ATXN7L1: variants seen among roughly 807,000 people sequenced by gnomAD.
The protein encoded by ATXN7L1 is ataxin-7-like protein 1.
In ATXN7L1, 15 loss-of-function variants were observed where a neutral mutation model predicts 70.8. The observed-to-expected ratio is 0.21, with a 90% CI of 0.14 to 0.33. The LOEUF (loss-of-function observed/expected upper bound fraction) is 0.33, where lower values mean the gene tolerates loss of function less well. Ranked by LOEUF, ATXN7L1 falls within the 10% of genes least tolerant of loss-of-function variation. The pLI is 1.00. For missense variants in ATXN7L1, 975 were observed against 1,097.1 expected (o/e 0.89, Z 1.57); for synonymous variants, 440 against 445.1 (o/e 0.99, Z 0.14).
chr7:105,710,217 C>T (rs1007973752), intron 3 of ATXN7L1, among the ~76,000 whole-genome samples: 1 of 152,128 alleles, frequency 6.6e-6, no homozygotes, highest in Non-Finnish European at 1.5e-5. Context: ...TCAAGCTCTA[C>T]CTGAAACTGG....
intron 3 of ATXN7L1, among the ~76,000 whole-genome samples, chr7:105,770,165 G>C (rs762247671): frequency 1.1e-4 from 16 of 152,154 alleles, no homozygotes; most frequent in Non-Finnish European, 1.9e-4. Context: ...AAAAACTTAC[G>C]GCAAAAGCCT....
chr7:105,685,851 G>GT (rs1387900965), intron 3 of ATXN7L1, among the ~76,000 whole-genome samples: 6 of 152,206 alleles, frequency 3.9e-5, no homozygotes, highest in Non-Finnish European at 8.8e-5. Flanking sequence ...AGCTGAGGAT[G>GT]TTGGTGTCTT....
chr7:105,853,949 C>T (rs1222239891), intron 2 of ATXN7L1, among the ~76,000 whole-genome samples: 1 of 152,074 alleles, frequency 6.6e-6, no homozygotes, highest in East Asian at 1.9e-4. Flanking sequence ...TTTCCCGGGG[C>T]CCGACACCTC....
At chr7:105,613,604 T>C in intron 10 of ATXN7L1, 1 of 1,359,738 alleles carries the variant, frequency 7.4e-7, no homozygotes, top group South Asian at 1.6e-5. Flanking sequence ...CTGCACTCAC[T>C]GCACTGGGGT....
intron 3 of ATXN7L1, among the ~76,000 whole-genome samples, chr7:105,688,102 G>A (rs568363625): frequency 6.6e-6 from 1 of 152,214 alleles, no homozygotes; most frequent in African/African-American, 2.4e-5. Flanking sequence ...TGTTGTTGCC[G>A]GCTAGACCAC....
intron 4 of ATXN7L1, among the ~76,000 whole-genome samples, chr7:105,654,981 C>T (rs747962965): frequency 1.4e-4 from 21 of 151,298 alleles, no homozygotes; most frequent in Non-Finnish European, 2.4e-4. Flanking sequence ...TCACCTCAAG[C>T]GATCTGCCCG....
intron 2 of ATXN7L1, among the ~76,000 whole-genome samples, chr7:105,817,804 C>A (rs1809418693): frequency 6.6e-6 from 1 of 152,134 alleles, no homozygotes; most frequent in Admixed American, 6.5e-5. Context: ...TACACACTTG[C>A]AGTTTCAGCT....
intron 3 of ATXN7L1, among the ~76,000 whole-genome samples, chr7:105,775,387 G>A (rs1180865459): frequency 2.6e-5 from 4 of 152,196 alleles, no homozygotes; most frequent in African/African-American, 4.8e-5. Context: ...GATATAGCTT[G>A]GAAGTATCTT....
intron 7 of ATXN7L1, among the ~76,000 whole-genome samples, chr7:105,628,391 A>G (rs1323890014): frequency 2.0e-5 from 3 of 152,236 alleles, no homozygotes; most frequent in East Asian, 3.8e-4. Flanking sequence ...TAGAGTTAGT[A>G]GTACAGGTAT....
chr7:105,707,724 T>C (rs1471585108), intron 3 of ATXN7L1, among the ~76,000 whole-genome samples: 3 of 152,180 alleles, frequency 2.0e-5, no homozygotes, highest in African/African-American at 7.2e-5. Context: ...CAAAGTGACC[T>C]AAAAGGGCAT....
intron 3 of ATXN7L1, among the ~76,000 whole-genome samples, chr7:105,738,804 T>C (rs1797695359): frequency 6.6e-6 from 1 of 152,168 alleles, no homozygotes; most frequent in Non-Finnish European, 1.5e-5. Flanking sequence ...AGGCTGTGGG[T>C]CTGGTGCACC....
intron 2 of ATXN7L1, chr7:105,820,041 C>G (rs1043054224): frequency 2.5e-6 from 1 of 407,548 alleles, no homozygotes; most frequent in Non-Finnish European, 4.7e-6. Flanking sequence ...GTGAAAAGAA[C>G]GTGGAGAAGA....
intron 2 of ATXN7L1, among the ~76,000 whole-genome samples, chr7:105,839,642 C>T (rs117391732): frequency 0.014 from 2,113 of 152,276 alleles, 27 homozygotes; most frequent in Middle Eastern, 0.041. Context: ...TTAAACACCC[C>T]ACAAGGGATG....
At chr7:105,737,938 C>T (rs995528525) in intron 3 of ATXN7L1, among the ~76,000 whole-genome samples, 2 of 152,086 alleles carry the variant, frequency 1.3e-5, no homozygotes, top group Non-Finnish European at 2.9e-5. Flanking sequence ...CTATGTAATC[C>T]TTTTGGTGAC....
chr7:105,716,232 T>C (rs1794527500), intron 3 of ATXN7L1, among the ~76,000 whole-genome samples: 1 of 152,120 alleles, frequency 6.6e-6, no homozygotes, highest in Non-Finnish European at 1.5e-5. Flanking sequence ...ATTCATTATA[T>C]ACTTATTATA....
At chr7:105,676,392 T>A (rs1804651073) in intron 3 of ATXN7L1, among the ~76,000 whole-genome samples, 1 of 152,164 alleles carries the variant, frequency 6.6e-6, no homozygotes, top group South Asian at 2.1e-4. Flanking sequence ...GCAGATAAGC[T>A]GTTGAATTCT....
intron 3 of ATXN7L1, among the ~76,000 whole-genome samples, chr7:105,694,967 C>T (rs1220115042): frequency 6.6e-6 from 1 of 152,234 alleles, no homozygotes; most frequent in Non-Finnish European, 1.5e-5. Flanking sequence ...GCCCAGCCAA[C>T]ATGCTGAAAC....
At chr7:105,864,619 C>G (rs1817134271) in intron 2 of ATXN7L1, among the ~76,000 whole-genome samples, 1 of 151,628 alleles carries the variant, frequency 6.6e-6, no homozygotes, top group Non-Finnish European at 1.5e-5. Flanking sequence ...AACATTGAAA[C>G]AGATTCATTC....
At chr7:105,860,436 TG>T (rs1458403435) in intron 2 of ATXN7L1, among the ~76,000 whole-genome samples, 2 of 152,290 alleles carry the variant, frequency 1.3e-5, no homozygotes, top group Admixed American at 1.3e-4. Flanking sequence ...TAAGGTGAGC[TG>T]TGTTTTGCAT....
Sources: gnomAD v4.1 joint callset for allele counts (sites outside exome capture counted in the v4.1 genomes callset) on GRCh38, gnomAD v4.1.1 for gene constraint, MANE v1.5 for transcripts, NCBI Gene and HGNC (gene_info 2026-07-23, HGNC 2026-07-21) for gene names.